The following ZNF407 variants were observed in gnomAD, a reference collection of about 807,000 sequenced individuals.
ZNF407 encodes zinc finger protein 407.
Under a neutral mutation model 131.2 loss-of-function variants are expected in ZNF407, and 17 were observed. The ratio of observed to expected loss-of-function variants is 0.13; its 90% CI spans 0.09 to 0.19. The LOEUF is 0.19. ZNF407 is among the 10% of genes least tolerant of loss of function. The probability of loss-of-function intolerance (pLI) is 1.00; values close to 1 mark genes in which losing one functional copy is unlikely to be tolerated. For synonymous variants in ZNF407, 1,156 were observed against 1,062.0 expected (o/e 1.09, Z -1.72); for missense variants, 2,681 against 2,830.6 (o/e 0.95, Z 1.20).
At position 75,048,881 on chromosome 18, in the gene ZNF407, T is replaced by C. The variant is rs1973464879; in HGVS notation, c.5429-14269T>C. 6.6e-6 allele frequency among the ~76,000 whole-genome samples: 1 copy of C among 152,118 alleles called. No homozygotes were observed. Among genetic ancestry groups the C allele is most frequent in the Admixed American group, 6.5e-5 (1 of 15,268 alleles). On this transcript the variant is annotated intron_variant, in intron 8 of 8. Coordinates refer to ENST00000299687, the MANE Select transcript of ZNF407 (RefSeq NM_017757.3). This position sits in a 1 kb window ranked among gnomAD's most constrained non-coding sequence, Gnocchi z 4.1. Reference sequence around the variant, plus strand: ...AGGGGTGAGCAGGCAGTGTTCAGGCTGTAGGGCCACCAAGCCAGAGTCAGC... The same window carrying C: ...AGGGGTGAGCAGGCAGTGTTCAGGCCGTAGGGCCACCAAGCCAGAGTCAGC...
At chr18:74,717,396 A>G (rs1967920405) in intron 3 of ZNF407, among the ~76,000 whole-genome samples, 1 of 152,192 alleles carries the variant, frequency 6.6e-6, no homozygotes, top group South Asian at 2.1e-4. Context: ...TTCTGTGGAG[A>G]GTGCAGAGAC....
At chr18:74,607,230 A>T (rs1982847100) in intron 1 of ZNF407, among the ~76,000 whole-genome samples, 1 of 152,194 alleles carries the variant, frequency 6.6e-6, no homozygotes, top group South Asian at 2.1e-4. Context: ...TCAGCAGGCC[A>T]GGGCTGGGGC....
intron 4 of ZNF407, among the ~76,000 whole-genome samples, chr18:74,868,178 CAT>C (rs955156992): frequency 1.1e-4 from 16 of 152,292 alleles, no homozygotes; most frequent in African/African-American, 2.9e-4. Context: ...CATTTTGTAT[CAT>C]GTGTAGGTAT....
intron 3 of ZNF407, among the ~76,000 whole-genome samples, chr18:74,750,746 A>C (rs1173015461): frequency 1.3e-5 from 2 of 152,124 alleles, no homozygotes; most frequent in Admixed American, 6.6e-5. Context: ...GAATTGCTGG[A>C]TCTTGTGCTA....
chr18:74,719,237 C>G (rs1013308003), intron 3 of ZNF407, among the ~76,000 whole-genome samples: 3 of 152,118 alleles, frequency 2.0e-5, no homozygotes, highest in African/African-American at 7.2e-5. Context: ...TTATTGTTAT[C>G]TTTAATTCAT....
At chr18:74,900,632 G>A (rs113878242) in intron 7 of ZNF407, among the ~76,000 whole-genome samples, 3,682 of 152,154 alleles carry the variant, frequency 0.024, 125 homozygotes, top group African/African-American at 0.08. Context: ...AACAATTTTT[G>A]CTAATGTCTC....
chr18:74,599,334 ATAAAT>A (rs1019282417), intron 1 of ZNF407, among the ~76,000 whole-genome samples: 2 of 152,214 alleles, frequency 1.3e-5, no homozygotes, highest in Non-Finnish European at 2.9e-5. Flanking sequence ...TTATTTCGGA[ATAAAT>A]TAAGATTTAC....
At chr18:75,011,461 T>G (rs1323167578) in intron 8 of ZNF407, among the ~76,000 whole-genome samples, 1 of 152,168 alleles carries the variant, frequency 6.6e-6, no homozygotes, top group Non-Finnish European at 1.5e-5. Context: ...CTCTTACAAA[T>G]GAACATTTGG....
chr18:74,945,470 T>G (rs1275211807), intron 8 of ZNF407, among the ~76,000 whole-genome samples: 2 of 152,196 alleles, frequency 1.3e-5, no homozygotes, highest in African/African-American at 4.8e-5. Context: ...AGAGTTTGGC[T>G]TCTCAAAAAG....
chr18:74,887,092 T>TA (rs375894791), intron 6 of ZNF407, among the ~76,000 whole-genome samples: 14 of 152,318 alleles, frequency 9.2e-5, no homozygotes, highest in Middle Eastern at 3.4e-3. Flanking sequence ...TGTTTTCAAA[T>TA]ATGCTATGTG....
At chr18:74,929,345 A>T (rs1971954752) in intron 8 of ZNF407, among the ~76,000 whole-genome samples, 7 of 152,102 alleles carry the variant, frequency 4.6e-5, no homozygotes, top group Admixed American at 4.6e-4. Flanking sequence ...ATCAGAGCTC[A>T]CATTTGCAGC....
At position 74,634,926 on chromosome 18, in the gene ZNF407, C is replaced by T. The variant is rs1377765778; in HGVS notation, c.3907C>T (p.Leu1303=). The T allele has an allele frequency of 3.7e-6, 6 of 1,613,890 alleles. No individual in the cohort carries two copies. The highest frequency in any genetic ancestry group is 5.1e-6 in the Non-Finnish European group (6 of 1,179,866). ...GAAAGGTGTCCAAGAAGATCCCGTTCTGGGGAATAAGGAAATTCTGATGAA... is the reference window on the plus strand; with the variant it reads ...GAAAGGTGTCCAAGAAGATCCCGTTTTGGGGAATAAGGAAATTCTGATGAA... ...DLKGVQEDPV[L]GNKEILMNSQ... Residue 1303 remains leucine (L), a synonymous_variant, in exon 2 of 9, where the codon CTG becomes TTG. Coordinates refer to ENST00000299687, the MANE Select transcript of ZNF407 (RefSeq NM_017757.3).
chr18:74,631,056 G>T lies in ZNF407; in HGVS notation c.37G>T (p.Asp13Tyr). The T allele has an allele frequency of 6.2e-7, 1 of 1,611,720 alleles. No individual in the cohort carries two copies. Among genetic ancestry groups the T allele is most frequent in the Non-Finnish European group, 8.5e-7 (1 of 1,179,294 alleles). Residue 13 changes from aspartate (D) to tyrosine (Y), a missense_variant, in exon 2 of 9, where the codon GAT (aspartate) becomes TAT (tyrosine). Physicochemically the swap from Asp to Tyr is radical, Grantham distance 160. Transcript: ENST00000299687. Reference protein sequence around the residue: ...DSENKPENDEDEKINKEAQDL... With the variant: ...DSENKPENDEYEKINKEAQDL... ...TGAGAATAAACCCGAAAATGATGAG[G>T]ATGAAAAGATAAACAAAGAAGCACA...
chr18:74,948,693 C>T (rs956598813), intron 8 of ZNF407, among the ~76,000 whole-genome samples: 12 of 152,104 alleles, frequency 7.9e-5, no homozygotes, highest in Non-Finnish European at 5.9e-5. Flanking sequence ...TCAAGTTTAC[C>T]TTTTAGGAGA....
chr18:74,637,156 T>A (rs1230367142), intron 2 of ZNF407, among the ~76,000 whole-genome samples: 2 of 152,206 alleles, frequency 1.3e-5, no homozygotes, highest in African/African-American at 2.4e-5. Context: ...GCATACAAAT[T>A]CAAGAACAGA....
chr18:74,690,061 G>A (rs958276033), intron 3 of ZNF407, among the ~76,000 whole-genome samples: 32 of 152,142 alleles, frequency 2.1e-4, no homozygotes, highest in African/African-American at 7.7e-4. Flanking sequence ...CTAAAAAAAA[G>A]CTAAATTGCC....
intron 8 of ZNF407, among the ~76,000 whole-genome samples, chr18:74,993,404 C>T (rs1396090624): frequency 6.6e-6 from 1 of 152,180 alleles, no homozygotes; most frequent in Non-Finnish European, 1.5e-5. Context: ...GTGCACTCTG[C>T]AGTTCCACTC....
At chr18:74,750,025 C>A (rs566521571) in intron 3 of ZNF407, among the ~76,000 whole-genome samples, 13 of 152,242 alleles carry the variant, frequency 8.5e-5, no homozygotes, top group Non-Finnish European at 1.5e-4. Context: ...CCATGAAAGT[C>A]CTTTCCAGCC....
intron 8 of ZNF407, among the ~76,000 whole-genome samples, chr18:74,999,091 C>T (rs1385121940): frequency 8.5e-4 from 31 of 36,360 alleles, no homozygotes; most frequent in African/African-American, 3.4e-3. Flanking sequence ...AGTAAACTAT[C>T]GCAAGAACAA....
Sources: allele counts gnomAD v4.1 joint callset (sites outside exome capture counted in the v4.1 genomes callset), GRCh38; gene constraint gnomAD v4.1.1; non-coding constraint Gnocchi (gnomAD v3.1); transcripts MANE v1.5; gene names NCBI Gene and HGNC (gene_info 2026-07-23, HGNC 2026-07-21).